CCDC3: variants seen among roughly 807,000 people sequenced by gnomAD.
The protein encoded by CCDC3 is coiled-coil domain-containing protein 3.
CCDC3 carries 24 observed loss-of-function variants against 21.4 expected under a neutral mutation model. The observed-to-expected ratio is 1.12, with a 90% CI of 0.81 to 1.58. The LOEUF (loss-of-function observed/expected upper bound fraction) is 1.58, where lower values mean the gene tolerates loss of function less well. Among genes scored for constraint, CCDC3 ranks in the 40% most tolerant of loss-of-function variants. The pLI, the probability that CCDC3 is intolerant of heterozygous loss-of-function variation, is 0.00. For missense variants in CCDC3, 425 were observed against 360.9 expected, an observed-to-expected ratio of 1.18 and a Z score of -1.44; for synonymous variants, 186 against 166.0, an observed-to-expected ratio of 1.12 and a Z score of -0.93.
chr10:13,008,405 CAGCAG>C (rs1835948892), intron 5 of CCDC3, among the ~76,000 whole-genome samples: 1 of 152,100 alleles, frequency 6.6e-6, no homozygotes, highest in African/African-American at 2.4e-5. Flanking sequence ...TTGGGGAAGG[CAGCAG>C]CAGTGCGGTG....
intron 5 of CCDC3, among the ~76,000 whole-genome samples, chr10:13,019,694 A>G (rs558253629): frequency 6.6e-6 from 1 of 152,326 alleles, no homozygotes; most frequent in East Asian, 1.9e-4. Context: ...TCAAGACTGC[A>G]TGAATAAATA....
Position 13,072,862 on chromosome 10 carries a change from TCTTTC to T in CCDC3, c.-270+1001_-270+1005del, listed in dbSNP as rs376130896. ...CACAATCATTTCTTTTCTTTTCTTT[TCTTTC>T]TTTTTTTTTTTTTTTTTGAGACAGA... is the stretch of plus-strand genomic sequence containing the variant. On this transcript the variant is annotated intron_variant, in intron 4 of 6. Coordinates refer to the CCDC3 transcript ENST00000378839. Among the ~76,000 whole-genome samples, 191 of 108,060 alleles carry T rather than the reference TCTTTC, an allele frequency of 1.8e-3. 6 individuals are homozygous for T. Among genetic ancestry groups the T allele is most frequent in the East Asian group, 7.3e-3 (25 of 3,438 alleles). The allele number at this position is 108,060 out of a possible 152,430, so 70.9% of individuals were successfully genotyped here. A position where few individuals can be genotyped will look rare whatever the true frequency, so the allele number is the denominator to read the frequency against.
At chr10:13,060,435 CAT>C (rs1836741997) in intron 4 of CCDC3, among the ~76,000 whole-genome samples, 1 of 152,090 alleles carries the variant, frequency 6.6e-6, no homozygotes, top group African/African-American at 2.4e-5. Context: ...GAGCAGAAGT[CAT>C]CAGAGAGGTG....
intron 2 of CCDC3, among the ~76,000 whole-genome samples, chr10:12,898,929 G>A (rs557822278): frequency 3.3e-5 from 5 of 152,298 alleles, no homozygotes; most frequent in South Asian, 2.1e-4. Flanking sequence ...GGAAGATGTC[G>A]TTTTCAAATG....
chr10:12,927,928 A>C (rs1834571105), intron 2 of CCDC3, among the ~76,000 whole-genome samples: 1 of 152,250 alleles, frequency 6.6e-6, no homozygotes, highest in Non-Finnish European at 1.5e-5. Context: ...ATGGAATTGC[A>C]ATGGAGAAAG....
chr10:12,906,758 C>G (rs1012793055), intron 2 of CCDC3, among the ~76,000 whole-genome samples: 1 of 152,106 alleles, frequency 6.6e-6, no homozygotes, highest in African/African-American at 2.4e-5. Flanking sequence ...AAGATGAAAT[C>G]AGATGATAAG....
chr10:12,955,711 C>T (rs1238025821), intron 2 of CCDC3, among the ~76,000 whole-genome samples: 2 of 151,812 alleles, frequency 1.3e-5, no homozygotes, highest in East Asian at 1.9e-4. Flanking sequence ...TGCCACCATG[C>T]CCAGCTAATT....
At chr10:12,909,046 T>G (rs1834222651) in intron 2 of CCDC3, among the ~76,000 whole-genome samples, 1 of 152,206 alleles carries the variant, frequency 6.6e-6, no homozygotes, top group African/African-American at 2.4e-5. Flanking sequence ...CAAGGCTCCA[T>G]CTTCCTGGTA....
chr10:12,943,948 G>A (rs1834876154), intron 2 of CCDC3, among the ~76,000 whole-genome samples: 1 of 151,932 alleles, frequency 6.6e-6, no homozygotes, highest in African/African-American at 2.4e-5. Flanking sequence ...TGCTACAATG[G>A]GAAGGGACAG....
upstream of CCDC3, among the ~76,000 whole-genome samples, chr10:13,003,310 T>C (rs573416930): frequency 3.9e-5 from 6 of 152,236 alleles, no homozygotes; most frequent in African/African-American, 1.2e-4. Context: ...TATTCTGAAG[T>C]AGATATAACT....
intron 2 of CCDC3, among the ~76,000 whole-genome samples, chr10:12,938,747 C>T (rs1008941351): frequency 3.3e-5 from 5 of 152,124 alleles, no homozygotes; most frequent in Admixed American, 6.5e-5. Context: ...TGAACTCCTC[C>T]CACCCTCTTT....
intron 3 of CCDC3, among the ~76,000 whole-genome samples, chr10:13,090,034 GATATATATATATATATATATAT>G (rs66476163): frequency 1.5e-5 from 2 of 129,170 alleles, no homozygotes; most frequent in South Asian, 4.8e-4. Flanking sequence ...TATTCCGTTA[GATATATATATATATATATATAT>G]ATATATATAT....
chr10:13,004,913 G>C (rs147205735), upstream of CCDC3, among the ~76,000 whole-genome samples: 13 of 152,118 alleles, frequency 8.5e-5, no homozygotes, highest in African/African-American at 3.1e-4. Flanking sequence ...ATGCACTTTG[G>C]TCATCATTCA....
chr10:12,957,608 C>T (rs1442525784), intron 2 of CCDC3, among the ~76,000 whole-genome samples: 1 of 152,150 alleles, frequency 6.6e-6, no homozygotes, highest in African/African-American at 2.4e-5. Context: ...TCGCACCATT[C>T]CCTTGGTGCC....
At chr10:13,032,381 A>G (rs1013043105) in intron 5 of CCDC3, among the ~76,000 whole-genome samples, 1 of 152,210 alleles carries the variant, frequency 6.6e-6, no homozygotes, top group African/African-American at 2.4e-5. Flanking sequence ...CACAGCCAGT[A>G]TCATACTGAA....
chr10:13,045,004 A>C (rs1229882411), intron 5 of CCDC3, among the ~76,000 whole-genome samples: 1 of 152,206 alleles, frequency 6.6e-6, no homozygotes, highest in Non-Finnish European at 1.5e-5. Context: ...TTTCCCATGG[A>C]ATCTAAATGC....
chr10:13,079,798 G>C (rs1323197000), intron 3 of CCDC3, among the ~76,000 whole-genome samples: 1 of 152,200 alleles, frequency 6.6e-6, no homozygotes, highest in Non-Finnish European at 1.5e-5. Context: ...AGGGGGAGGA[G>C]AAGAGAGAGC....
At chr10:13,063,150 G>T (rs1232636143) in intron 4 of CCDC3, among the ~76,000 whole-genome samples, 1 of 151,878 alleles carries the variant, frequency 6.6e-6, no homozygotes, top group African/African-American at 2.4e-5. Context: ...AATGTTCGGG[G>T]AGACTGATTT....
At chr10:12,945,361 T>G (rs1834899224) in intron 2 of CCDC3, among the ~76,000 whole-genome samples, 1 of 151,850 alleles carries the variant, frequency 6.6e-6, no homozygotes, top group Admixed American at 6.6e-5. Context: ...AAAAAGAGAA[T>G]AATTTTTGTC....
Sources: allele counts gnomAD v4.1 joint callset (sites outside exome capture counted in the v4.1 genomes callset), GRCh38; gene constraint gnomAD v4.1.1; transcripts MANE v1.5; gene names NCBI Gene and HGNC (gene_info 2026-07-23, HGNC 2026-07-21).